MTA3: variants seen among roughly 807,000 people sequenced by gnomAD.
MTA3 encodes the protein metastasis associated 1 family member 3, also known as metastasis-associated protein MTA3.
In MTA3, 34 loss-of-function variants were observed where a neutral mutation model predicts 83.5. The ratio of observed to expected loss-of-function variants is 0.41; its 90% confidence interval spans 0.31 to 0.54. The LOEUF is 0.54. Among genes scored for constraint, MTA3 ranks in the 20% least tolerant of loss-of-function variants. The pLI is 0.33. For missense variants in MTA3, 761 were observed against 726.4 expected (o/e 1.05, Z -0.55); for synonymous variants, 303 against 252.7 (o/e 1.20, Z -1.89).
chr2:42,709,230 A>G (rs1296657478), intron 14 of MTA3, 134 bp downstream of exon 14: 8 of 1,431,356 alleles, frequency 5.6e-6, no homozygotes, highest in Non-Finnish European at 6.4e-6. Context: ...TATTTGGTTT[A>G]TTTTTTAACA....
intron 4 of MTA3, among the ~76,000 whole-genome samples, chr2:42,636,586 G>GGGTAAA (rs992573861): frequency 6.6e-6 from 1 of 151,238 alleles, no homozygotes; most frequent in African/African-American, 2.4e-5. Flanking sequence ...TACAGGCAGG[G>GGGTAAA]GGTAAATGAT....
chr2:42,525,736 T>C (rs1282513664), intron 2 of MTA3, among the ~76,000 whole-genome samples: 1 of 151,590 alleles, frequency 6.6e-6, no homozygotes, highest in African/African-American at 2.4e-5. Flanking sequence ...CGGCTCACTG[T>C]AACCTCTGCC....
chr2:42,719,878 C>G (rs1479444704), intron 15 of MTA3, among the ~76,000 whole-genome samples: 1 of 152,144 alleles, frequency 6.6e-6, no homozygotes, highest in Non-Finnish European at 1.5e-5. Context: ...AGAGAAATAA[C>G]TTACAAAATA....
chr2:42,579,065 T>C (rs1679338573), intron 2 of MTA3, 42 bp from the exon 3 acceptor site: 1 of 1,347,632 alleles, frequency 7.4e-7, no homozygotes, highest in East Asian at 2.4e-5. Context: ...TATTTGACTC[T>C]AATATTCAGT....
chr2:42,563,216 C>T (rs748156530), intron 2 of MTA3, among the ~76,000 whole-genome samples: 12 of 152,146 alleles, frequency 7.9e-5, no homozygotes, highest in Non-Finnish European at 1.5e-4. Context: ...ATTCCTTCAA[C>T]ACTTCCCATT....
chr2:42,691,694 T>C (rs561024931), intron 9 of MTA3, among the ~76,000 whole-genome samples: 2 of 152,218 alleles, frequency 1.3e-5, no homozygotes, highest in South Asian at 4.1e-4. Context: ...GCACTTCTTA[T>C]TGGACAGGTC....
chr2:42,749,073 T>C (rs1383518051), intron 16 of MTA3, among the ~76,000 whole-genome samples: 1 of 152,220 alleles, frequency 6.6e-6, no homozygotes, highest in Non-Finnish European at 1.5e-5. Flanking sequence ...TTCTAGCTGA[T>C]GTTTTCCATC....
intron 11 of MTA3, among the ~76,000 whole-genome samples, chr2:42,701,879 C>A (rs1340041710): frequency 6.6e-6 from 1 of 151,450 alleles, no homozygotes; most frequent in African/African-American, 2.4e-5. Context: ...CACGCCACTG[C>A]ACTCCAGCCT....
intron 3 of MTA3, among the ~76,000 whole-genome samples, chr2:42,606,641 G>A (rs1202151163): frequency 6.7e-6 from 1 of 149,194 alleles, no homozygotes; most frequent in East Asian, 2.0e-4. Context: ...GACGATGGGC[G>A]GCCAGGCAGA....
At chr2:42,495,213 T>G (rs971900605) in exon 2 of MTA3, 6 of 152,536 alleles carry the variant, frequency 3.9e-5, no homozygotes, top group African/African-American at 7.2e-5. Flanking sequence ...TTTGCGCTGG[T>G]TCTTAAGTGG....
chr2:42,531,514 C>T (rs1310676220), intron 2 of MTA3, among the ~76,000 whole-genome samples: 2 of 133,620 alleles, frequency 1.5e-5, no homozygotes, highest in Admixed American at 8.1e-5. Context: ...GTGCAGTGGC[C>T]CAATCTTGGC....
intron 16 of MTA3, among the ~76,000 whole-genome samples, chr2:42,747,449 C>T (rs1483857431): frequency 1.3e-5 from 2 of 151,962 alleles, no homozygotes; most frequent in African/African-American, 4.8e-5. Context: ...GTGCAGAATA[C>T]TAGCATATGT....
At chr2:42,506,737 A>G (rs1456290149) in intron 2 of MTA3, among the ~76,000 whole-genome samples, 1 of 151,822 alleles carries the variant, frequency 6.6e-6, no homozygotes, top group Non-Finnish European at 1.5e-5. Flanking sequence ...TGTCCCAAGT[A>G]GCTGGGACTA....
rs144452719 is a variant in MTA3, at chr2:42,749,725, C to T, written c.1760-3649C>T. Among the ~76,000 whole-genome samples, 706 of 152,202 alleles carry T rather than the reference C, an allele frequency of 4.6e-3. 10 individuals are homozygous for T. Among genetic ancestry groups the T allele is most frequent in the African/African-American group, 0.016 (676 of 41,526 alleles). ...TCAAGTGATCCTCCCACCTCAGCCT[C>T]CCAAAGTGCTGGGATTACAGGCGTG... is the stretch of plus-strand genomic sequence containing the variant. On this transcript the variant is annotated intron_variant, in intron 16 of 16. Transcript: ENST00000405094.
At chr2:42,707,463 G>A (rs1341033190) in intron 12 of MTA3, among the ~76,000 whole-genome samples, 1 of 152,084 alleles carries the variant, frequency 6.6e-6, no homozygotes, top group East Asian at 1.9e-4. Context: ...TAGCCAGGAT[G>A]GTCTTGATCT....
intron 2 of MTA3, among the ~76,000 whole-genome samples, chr2:42,539,900 A>T (rs900949476): frequency 3.3e-4 from 50 of 151,982 alleles, no homozygotes; most frequent in African/African-American, 1.2e-3. Context: ...GATAAGCTAC[A>T]CTCTAAATTC....
At chr2:42,601,922 C>T (rs896819800) in intron 3 of MTA3, among the ~76,000 whole-genome samples, 1 of 152,140 alleles carries the variant, frequency 6.6e-6, no homozygotes, top group African/African-American at 2.4e-5. Flanking sequence ...TCACTGCAAC[C>T]TCCACCTCTC....
rs959933345 is a variant in MTA3 at position 42,682,069 on chromosome 2, A to G, written c.703-332A>G. On this transcript the variant is annotated intron_variant, in intron 8 of 16. Transcript: ENST00000405094. ...CATAAAATAAAAAAACTAGTCAGTC[A>G]TAGTGGCGTATACCTGTGGTCCTAG... Among the ~76,000 whole-genome samples the G allele has an allele frequency of 5.3e-5, 8 of 151,962 alleles. No homozygotes were observed. In the East Asian group the frequency reaches 1.5e-3, roughly 29 times the overall value.
Position 42,707,958 on chromosome 2 carries a change from A to T in MTA3, c.1206A>T (p.Leu402Phe). ...SWGPPNMQCR[L>F]CAICWLYWKK... is the part of the protein sequence containing the mutation. Reference sequence around the variant, plus strand: ...GCCCACCTAATATGCAGTGTAGATTATGTGCAATTTGTTGGCTTTATTGGA... The same window carrying T: ...GCCCACCTAATATGCAGTGTAGATTTTGTGCAATTTGTTGGCTTTATTGGA... Residue 402 changes from leucine (L) to phenylalanine (F), a missense_variant, in exon 13 of 17, where the codon TTA becomes TTT. Leu to Phe is a conservative substitution (Grantham distance 22). Coordinates refer to ENST00000405094, the MANE Select transcript of MTA3 (RefSeq NM_001330442.2). 7 of 1,611,580 alleles carry T rather than the reference A, an allele frequency of 4.3e-6. No individual in the cohort carries two copies. The highest frequency in any genetic ancestry group is 5.9e-6 in the Non-Finnish European group (7 of 1,178,794).
Sources: allele counts gnomAD v4.1 joint callset (sites outside exome capture counted in the v4.1 genomes callset), GRCh38; gene constraint gnomAD v4.1.1; transcripts MANE v1.5; gene names NCBI Gene and HGNC (gene_info 2026-07-23, HGNC 2026-07-21).